Variants in PCDHGB3 observed in about 807,000 individuals in gnomAD.
The protein encoded by PCDHGB3 is protocadherin gamma subfamily B, 3, also known as protocadherin gamma-B3.
PCDHGB3 carries 40 observed loss-of-function variants against 59.2 expected under a neutral mutation model. That is an observed-to-expected ratio of 0.68 (90% confidence interval 0.52 to 0.88). The LOEUF (loss-of-function observed/expected upper bound fraction) is 0.88, where lower values mean the gene tolerates loss of function less well. Ranked by LOEUF, PCDHGB3 falls within the 40% of genes least tolerant of loss-of-function variation. PCDHGB3 has a pLI of 0.00. For missense variants in PCDHGB3, 1,309 were observed against 1,187.9 expected, an observed-to-expected ratio of 1.10 and a Z score of -1.50; for synonymous variants, 581 against 503.6, an observed-to-expected ratio of 1.15 and a Z score of -2.06.
Position 141,423,176 on chromosome 5 carries a change from A to C in PCDHGB3, c.2415+50367A>C, listed in dbSNP as rs781125798. Reference sequence around the variant, plus strand: ...AGCCTCGTGGTGGCCGTCCAGGACCACGGCCAGCCCCCTCTCTCGGCCACC... The same window carrying C: ...AGCCTCGTGGTGGCCGTCCAGGACCCCGGCCAGCCCCCTCTCTCGGCCACC... On this transcript the variant is annotated intron_variant, in intron 1 of 3. Transcript: ENST00000576222. 1.7e-5 allele frequency: 28 copies of C among 1,613,356 alleles called. No homozygotes were observed. In the African/African-American group the frequency reaches 3.6e-4, roughly 21 times the overall value.
At chr5:141,397,324 T>C (rs2093508718) in intron 1 of PCDHGB3, among the ~76,000 whole-genome samples, 1 of 152,148 alleles carries the variant, frequency 6.6e-6, no homozygotes, top group African/African-American at 2.4e-5. Flanking sequence ...TAAAGAAAAA[T>C]TATTTTTATA....
chr5:141,416,523 C>G (rs2096035969), intron 1 of PCDHGB3: 1 of 152,064 alleles, frequency 6.6e-6, no homozygotes, highest in Admixed American at 6.6e-5. Flanking sequence ...TTCAGTGGCT[C>G]TTTAATGTAT....
In PCDHGB3 at chr5:141,476,336, C is replaced by A; in HGVS notation, c.2416-18471C>A. 18 of 1,614,008 alleles carry A rather than the reference C, an allele frequency of 1.1e-5. No homozygotes were observed. Among genetic ancestry groups the A allele is most frequent in the Non-Finnish European group, 1.5e-5 (18 of 1,180,008 alleles). ...GTTCCGGGTGGTGTCTGGAGCTAGC[C>A]GAAGATTCTTTGAGGTGAACCGGGA... On this transcript the variant is annotated intron_variant, in intron 1 of 3. Coordinates refer to ENST00000576222, the MANE Select transcript of PCDHGB3 (RefSeq NM_018924.5). The surrounding 1 kb of genome is among the most constrained non-coding windows in gnomAD (Gnocchi z 7.6).
At position 141,494,925 on chromosome 5, in the gene PCDHGB3, G is replaced by A. The variant is rs936071950; in HGVS notation, c.2474+60G>A. On this transcript the variant is annotated intron_variant, in intron 2 of 3. Coordinates refer to ENST00000576222, the MANE Select transcript of PCDHGB3 (RefSeq NM_018924.5). ...TGCGGCATTTTCTCAGGGATGACGT[G>A]GGAGGAGATGGGGGAGGGCCCAGCA... is the stretch of plus-strand genomic sequence containing the variant. The A allele has an allele frequency of 3.3e-4, 525 of 1,613,316 alleles. 2 individuals carry two copies. Among genetic ancestry groups the A allele is most frequent in the Admixed American group, 4.7e-4 (28 of 59,956 alleles).
At position 141,393,382 on chromosome 5, in the gene PCDHGB3, T is replaced by G. The variant is rs778957877; in HGVS notation, c.2415+20573T>G. ...GTGCAGACTGGAGACAATGGAGCCA[T>G]AAACCCAGAGCTGGTGCTGGAGCGC... On this transcript the variant is annotated intron_variant, in intron 1 of 3. Coordinates refer to ENST00000576222, the MANE Select transcript of PCDHGB3 (RefSeq NM_018924.5). The G allele has an allele frequency of 1.9e-6, 3 of 1,613,948 alleles. No individual in the cohort carries two copies. In the South Asian group the frequency reaches 3.3e-5, roughly 18 times the overall value.
In PCDHGB3 at chr5:141,431,570, G is replaced by A. The variant is rs754760314; in HGVS notation, c.2415+58761G>A. 7 of 1,614,172 alleles carry A rather than the reference G, an allele frequency of 4.3e-6. No individual in the cohort carries two copies. Among genetic ancestry groups the A allele is most frequent in the Non-Finnish European group, 5.9e-6 (7 of 1,180,024 alleles). ...TGTAGTCAACGCTACCGACCCTGAC[G>A]AAGGAGTCAATGCGGAAGTGAGGTA... On this transcript the variant is annotated intron_variant, in intron 1 of 3. Transcript: ENST00000576222. The surrounding 1 kb of genome is among the most constrained non-coding windows in gnomAD (Gnocchi z 4.8).
In PCDHGB3 at chr5:141,433,028, G is replaced by T. The variant is rs539293579; in HGVS notation, c.2415+60219G>T. 27 of 1,614,116 alleles carry T rather than the reference G, an allele frequency of 1.7e-5. No individual in the cohort carries two copies. The highest frequency in any genetic ancestry group is 6.7e-5 in the Admixed American group (4 of 60,018). On this transcript the variant is annotated intron_variant, in intron 1 of 3. Coordinates refer to ENST00000576222, the MANE Select transcript of PCDHGB3 (RefSeq NM_018924.5). ...TTTCCTGCAGACCTATTCCCACGAG[G>T]TTTCCCTCACCACGGACTCGCGGAA...
chr5:141,423,086 T>TG, intron 1 of PCDHGB3: 1 of 1,613,912 alleles, frequency 6.2e-7, no homozygotes, highest in South Asian at 1.1e-5. Flanking sequence ...CTCTTCGCGG[T>TG]GGGGGAGCAC....
At chr5:141,387,237 G>A (rs1273049599) in intron 1 of PCDHGB3, among the ~76,000 whole-genome samples, 2 of 152,168 alleles carry the variant, frequency 1.3e-5, no homozygotes, top group African/African-American at 4.8e-5. Flanking sequence ...AAATCAACTT[G>A]GAGGTACTTA....
chr5:141,442,131 A>T, intron 1 of PCDHGB3: 1 of 165,118 alleles, frequency 6.1e-6, no homozygotes, highest in Non-Finnish European at 1.3e-5. Context: ...GACAGCCTGC[A>T]GGAGACTCTG....
At chr5:141,423,806 T>A in intron 1 of PCDHGB3, 1 of 1,251,576 alleles carries the variant, frequency 8.0e-7, no homozygotes, top group African/African-American at 1.6e-5. Flanking sequence ...GCAATACATG[T>A]GAGTTTTACT....
chr5:141,432,413 G>T lies in PCDHGB3; in HGVS notation c.2415+59604G>T, dbSNP rs369816901. On this transcript the variant is annotated intron_variant, in intron 1 of 3. Transcript: ENST00000576222. This position sits in a 1 kb window ranked among gnomAD's most constrained non-coding sequence, Gnocchi z 6.0. ...CAGCAACGTGTCGTTGAGCCTGTTCGTGCTGGACCAGAACGACAATGCGCC... is the reference window on the plus strand; with the variant it reads ...CAGCAACGTGTCGTTGAGCCTGTTCTTGCTGGACCAGAACGACAATGCGCC... The T allele has an allele frequency of 6.2e-7, 1 of 1,614,232 alleles. No homozygotes were observed.
Position 141,511,502 on chromosome 5 carries a change from A to C in PCDHGB3, c.*329A>C. The C allele has an allele frequency of 2.0e-5, 8 of 395,260 alleles. No individual in the cohort carries two copies. The highest frequency in any genetic ancestry group is 4.1e-5 in the African/African-American group (2 of 48,892). The allele number at this position is 395,260 out of a possible 1,614,324, so 24.5% of individuals were successfully genotyped here. A position where few individuals can be genotyped will look rare whatever the true frequency, so the allele number is the denominator to read the frequency against. ...CTGAACTCCTCCATCTTCCAAATCA[A>C]TCAGGCCCATCCATCCCATGCCTCC... On this transcript the variant is annotated 3_prime_UTR_variant, in exon 4 of 4. Transcript: ENST00000576222.
intron 1 of PCDHGB3, among the ~76,000 whole-genome samples, chr5:141,460,958 T>C (rs182414946): frequency 8.2e-6 from 1 of 121,926 alleles, no homozygotes; most frequent in Non-Finnish European, 1.6e-5. Context: ...TATGTATATA[T>C]ATATGTGTGT....
rs1048560743 is a variant in PCDHGB3 at position 141,371,865 on chromosome 5, A to C, written c.1471A>C (p.Ile491Leu). Residue 491 changes from isoleucine (I) to leucine (L), a missense_variant, in exon 1 of 4, where the codon ATC (isoleucine) becomes CTC (leucine). By Grantham distance (5) the Ile-to-Leu change is conservative. Transcript: ENST00000576222. ...LGPNGLVSYY[I>L]VASDLEPREL... ...ACCTAATGGCCTTGTCTCCTACTAC[A>C]TCGTGGCCAGTGACCTGGAGCCGCG... 6.2e-7 allele frequency: 1 copy of C among 1,613,506 alleles called. No individual in the cohort carries two copies. The highest frequency in any genetic ancestry group is 1.6e-4 in the Middle Eastern group (1 of 6,062).
In PCDHGB3 at chr5:141,476,477, G is replaced by T. The variant is rs768824553; in HGVS notation, c.2416-18330G>T. The T allele has an allele frequency of 1.9e-6, 3 of 1,614,078 alleles. No homozygotes were observed. The highest frequency in any genetic ancestry group is 1.7e-5 in the Admixed American group (1 of 60,016). Reference sequence around the variant, plus strand: ...GGAGAACCCGCTGGAGCTGTTCAGCGTGGAAGTGGTGATCCAGGACATCAA... The same window carrying T: ...GGAGAACCCGCTGGAGCTGTTCAGCTTGGAAGTGGTGATCCAGGACATCAA... On this transcript the variant is annotated intron_variant, in intron 1 of 3. Coordinates refer to ENST00000576222, the MANE Select transcript of PCDHGB3 (RefSeq NM_018924.5). This position sits in a 1 kb window ranked among gnomAD's most constrained non-coding sequence, Gnocchi z 7.6.
At chr5:141,409,290 G>A in intron 1 of PCDHGB3, 1 of 1,613,974 alleles carries the variant, frequency 6.2e-7, no homozygotes. Context: ...TCACCTCCAG[G>A]AATGGTTGTT....
intron 1 of PCDHGB3, chr5:141,415,704 T>G: frequency 7.4e-7 from 1 of 1,344,464 alleles, no homozygotes; most frequent in Non-Finnish European, 1.0e-6. Flanking sequence ...GTGTAAATGC[T>G]AAAACACTGA....
intron 1 of PCDHGB3, among the ~76,000 whole-genome samples, chr5:141,407,377 C>A (rs1436703926): frequency 6.6e-6 from 1 of 152,170 alleles, no homozygotes; most frequent in Non-Finnish European, 1.5e-5. Context: ...TCCATGAAGG[C>A]TTGTATGTCA....
Sources: gnomAD v4.1 joint callset for allele counts (sites outside exome capture counted in the v4.1 genomes callset) on GRCh38, gnomAD v4.1.1 for gene constraint, Gnocchi (gnomAD v3.1) non-coding constraint, MANE v1.5 for transcripts, NCBI Gene and HGNC (gene_info 2026-07-23, HGNC 2026-07-21) for gene names.